The following PGLS variants were observed in gnomAD, a reference collection of about 807,000 sequenced individuals.
PGLS encodes epididymis secretory protein Li 304.
A neutral mutation model predicts 23.2 loss-of-function variants in PGLS; 21 were observed. That is an observed-to-expected ratio of 0.91 (90% CI 0.64 to 1.31). The LOEUF (loss-of-function observed/expected upper bound fraction) is 1.31, where lower values mean the gene tolerates loss of function less well. PGLS is among the 50% of genes most tolerant of loss of function. The pLI is 0.00. For synonymous variants in PGLS, 179 were observed against 165.4 expected (o/e 1.08, Z -0.63); for missense variants, 410 against 354.0 (o/e 1.16, Z -1.27).
At position 17,517,933 on chromosome 19, in the gene PGLS, C is replaced by T. The variant is rs150479283; in HGVS notation, c.639+83C>T. 19 of 1,395,948 alleles carry T rather than the reference C, an allele frequency of 1.4e-5. 2 individuals are homozygous for T. The South Asian group carries it at 2.2e-4, about 16-fold the overall frequency. 86.5% of individuals were successfully genotyped at this position (1,395,948 alleles called of 1,614,324 possible). On this transcript the variant is annotated intron_variant, in intron 4 of 4. Coordinates refer to ENST00000252603, the MANE Select transcript of PGLS (RefSeq NM_012088.3). The stretch of plus-strand genomic sequence containing the variant: ...GAAAATGGCCCCAGACATTATTGTG[C>T]TGAAGCATCAGATCTGAAGAAAACT...
chr19:17,517,256 A>C (rs1351959022), intron 2 of PGLS, 32 bp from the exon 3 acceptor site: 1 of 1,435,796 alleles, frequency 7.0e-7, no homozygotes, highest in Non-Finnish European at 9.8e-7. Flanking sequence ...GCCACCTACA[A>C]CCTCTCAAGG....
At chr19:17,520,871 G>C (rs548830699) in intron 4 of PGLS, 73 bp from the exon 5 acceptor site, 3 of 1,428,616 alleles carry the variant, frequency 2.1e-6, no homozygotes, top group Middle Eastern at 3.7e-4. Context: ...TCCTTGGTTG[G>C]GGAGCCAGGA....
chr19:17,516,263 G>A lies in PGLS; in HGVS notation c.379G>A (p.Ala127Thr), dbSNP rs1255128887. The A allele has an allele frequency of 5.6e-6, 9 of 1,613,680 alleles. No homozygotes were observed. Among genetic ancestry groups the A allele is most frequent in the South Asian group, 2.2e-5 (2 of 91,058 alleles). ...LPVEEAAEDY[A>T]KKLRQAFQGD... Reference sequence around the variant, plus strand: ...TGTGGAGGAGGCGGCTGAGGACTACGCCAAGAAGCTGAGACAGGTGAGCCC... The same window carrying A: ...TGTGGAGGAGGCGGCTGAGGACTACACCAAGAAGCTGAGACAGGTGAGCCC... The change falls in exon 2 of 5, where the codon GCC becomes ACC. Residue 127 changes from alanine (A) to threonine (T), a missense_variant. Transcript: ENST00000252603.
At position 17,511,874 on chromosome 19, in the gene PGLS, G is replaced by A; in HGVS notation, c.202G>A (p.Ala68Thr). Reference sequence around the variant, plus strand: ...CGCCGCCGTCGCCCCTGCCGGGCCAGCTAGCTTAGCGCGCTGGACGCTGGG... The same window carrying A: ...CGCCGCCGTCGCCCCTGCCGGGCCAACTAGCTTAGCGCGCTGGACGCTGGG... ...LPAAVAPAGP[A>T]SLARWTLGFC... is the part of the protein sequence containing the mutation. The change falls in exon 1 of 5, where the codon GCT becomes ACT. Residue 68 changes from alanine to threonine, a missense_variant. Transcript: ENST00000252603. 1.3e-6 allele frequency: 2 copies of A among 1,538,352 alleles called. No homozygotes were observed.
At chr19:17,514,177 G>A (rs964077071) in intron 1 of PGLS, among the ~76,000 whole-genome samples, 15 of 152,310 alleles carry the variant, frequency 9.8e-5, no homozygotes, top group Non-Finnish European at 1.9e-4. Flanking sequence ...GTGGGGTCAC[G>A]CCCCATCTGA....
chr19:17,514,035 G>A (rs547698223), intron 1 of PGLS, among the ~76,000 whole-genome samples: 5 of 150,224 alleles, frequency 3.3e-5, no homozygotes, highest in African/African-American at 7.3e-5. Context: ...TCCTTCTGCC[G>A]GTTCTCTGTG....
At chr19:17,517,656 A>T in intron 3 of PGLS, 54 bp from the exon 4 acceptor site, 1 of 1,600,776 alleles carries the variant, frequency 6.2e-7, no homozygotes, top group Non-Finnish European at 8.5e-7. Context: ...TAAGTGTCCA[A>T]GAAGCTGAAG....
chr19:17,521,005 G>A lies in PGLS; in HGVS notation c.701G>A (p.Gly234Glu), dbSNP rs965627241. ...LPAALVQPHT[G>E]KLCWFLDEAA... ...GCCGCCCTGGTCCAGCCCCACACCG[G>A]GAAACTGTGCTGGTTCTTGGACGAG... The change falls in exon 5 of 5, where the codon GGG (glycine) becomes GAG (glutamate). Residue 234 changes from glycine to glutamate, a missense_variant. By Grantham distance (98) the Gly-to-Glu change is moderately conservative. Coordinates refer to ENST00000252603, the MANE Select transcript of PGLS (RefSeq NM_012088.3). 2.5e-6 allele frequency: 4 copies of A among 1,601,000 alleles called. No homozygotes were observed. In the African/African-American group the frequency reaches 4.0e-5, roughly 16 times the overall value.
intron 4 of PGLS, among the ~76,000 whole-genome samples, chr19:17,519,130 A>G (rs934446618): frequency 6.6e-6 from 1 of 151,612 alleles, no homozygotes; most frequent in African/African-American, 2.4e-5. Flanking sequence ...CCTGGCCAAC[A>G]TGGCGAAACC....
chr19:17,517,718 G>A lies in PGLS; in HGVS notation c.507G>A (p.Glu169=). Reference sequence around the variant, plus strand: ...TGGGCTTCCTCCCCAAGGAGCGGGAGAAGATTGTGGCTCCCATCAGTGACT... The same window carrying A: ...TGGGCTTCCTCCCCAAGGAGCGGGAAAAGATTGTGGCTCCCATCAGTGACT... ...FPDHPLLQER[E]KIVAPISDSP... is the part of the protein sequence containing the mutation. Residue 169 remains glutamate (E), a synonymous_variant, in exon 4 of 5, where the codon GAG becomes GAA. Coordinates refer to ENST00000252603, the MANE Select transcript of PGLS (RefSeq NM_012088.3). 6.2e-7 allele frequency: 1 copy of A among 1,614,118 alleles called. No individual in the cohort carries two copies. The highest frequency in any genetic ancestry group is 1.1e-5 in the South Asian group (1 of 91,084).
At chr19:17,520,776 G>A (rs2075553854) in intron 4 of PGLS, among the ~76,000 whole-genome samples, 168 bp from the exon 5 acceptor site, 1 of 152,182 alleles carries the variant, frequency 6.6e-6, no homozygotes, top group Non-Finnish European at 1.5e-5. Flanking sequence ...TGGATAGAAA[G>A]GAAGGGACTC....
intron 4 of PGLS, among the ~76,000 whole-genome samples, chr19:17,518,812 T>C (rs1017910849): frequency 1.3e-5 from 2 of 152,098 alleles, no homozygotes; most frequent in African/African-American, 4.8e-5. Flanking sequence ...ATTACAGATA[T>C]GAGTCACCGT....
In PGLS at chr19:17,517,844, T is replaced by C; in HGVS notation, c.633T>C (p.Val211=). The change falls in exon 4 of 5, where the codon GTT becomes GTC. Residue 211 remains valine, a synonymous_variant. Transcript: ENST00000252603. ...FVATGEGKAA[V]LKRILEDQEE... is the part of the protein sequence containing the mutation. ...CAACTGGAGAAGGCAAGGCAGCTGTTCTGAAGGTAACAGCTGAGGGTTCTA... is the reference window on the plus strand; with the variant it reads ...CAACTGGAGAAGGCAAGGCAGCTGTCCTGAAGGTAACAGCTGAGGGTTCTA... 1.9e-6 allele frequency: 3 copies of C among 1,614,014 alleles called. No individual in the cohort carries two copies. The highest frequency in any genetic ancestry group is 2.5e-6 in the Non-Finnish European group (3 of 1,180,002).
At position 17,514,288 on chromosome 19, in the gene PGLS, A is replaced by C. The variant is rs139649258; in HGVS notation, c.289-1885A>C. Among the ~76,000 whole-genome samples the C allele has an allele frequency of 5.1e-3, 773 of 152,186 alleles. 4 individuals carry two copies. The highest frequency in any genetic ancestry group is 8.9e-3 in the Non-Finnish European group (607 of 68,010). On this transcript the variant is annotated intron_variant, in intron 1 of 4. Transcript: ENST00000252603. The stretch of plus-strand genomic sequence containing the variant: ...CATTCCAATTCCTGTCTCTGTCTGC[A>C]CATGGCCTTCTTGGATTCTGTGTGT...
chr19:17,517,318 G>C lies in PGLS; in HGVS notation c.427G>C (p.Asp143His). The C allele has an allele frequency of 6.2e-7, 1 of 1,613,838 alleles. No individual in the cohort carries two copies. Among genetic ancestry groups the C allele is most frequent in the Non-Finnish European group, 8.5e-7 (1 of 1,179,906 alleles). ...CCAAGGGGACTCCATCCCGGTTTTCGACCTGCTGATCCTGGGGGTGGGCCC... is the reference window on the plus strand; with the variant it reads ...CCAAGGGGACTCCATCCCGGTTTTCCACCTGCTGATCCTGGGGGTGGGCCC... ...AFQGDSIPVFDLLILGVGPDG... is the reference protein window; with the variant it reads ...AFQGDSIPVFHLLILGVGPDG... The change falls in exon 3 of 5, where the codon GAC (aspartate) becomes CAC (histidine). Residue 143 changes from aspartate (D) to histidine (H), a missense_variant. Transcript: ENST00000252603.
chr19:17,519,022 A>C (rs2075545658), intron 4 of PGLS, among the ~76,000 whole-genome samples: 2 of 152,086 alleles, frequency 1.3e-5, no homozygotes, highest in Non-Finnish European at 1.5e-5. Context: ...TCTCCAAAAA[A>C]AATAAATCAG....
chr19:17,516,907 T>TA (rs1453791574), intron 2 of PGLS, among the ~76,000 whole-genome samples: 3 of 147,808 alleles, frequency 2.0e-5, no homozygotes, highest in African/African-American at 7.6e-5. Context: ...GATGGAGTCT[T>TA]ACTCTGTCAC....
chr19:17,515,521 C>T (rs562039587), intron 1 of PGLS, among the ~76,000 whole-genome samples: 1 of 152,166 alleles, frequency 6.6e-6, no homozygotes, highest in African/African-American at 2.4e-5. Flanking sequence ...CTACTGTGCG[C>T]TAGCCACAGG....
chr19:17,520,582 T>G (rs899912610), intron 4 of PGLS: 3 of 134,300 alleles, frequency 2.2e-5, no homozygotes, highest in African/African-American at 8.5e-5. Context: ...AAAAAAAAAC[T>G]TAGCCGAGCG....
Sources: gnomAD v4.1 joint callset for allele counts (sites outside exome capture counted in the v4.1 genomes callset) on GRCh38, gnomAD v4.1.1 for gene constraint, MANE v1.5 for transcripts, NCBI Gene and HGNC (gene_info 2026-07-23, HGNC 2026-07-21) for gene names.